Variants in EHBP1 observed in about 807,000 individuals in gnomAD.
EHBP1 encodes the protein EH domain binding protein 1, also known as EH domain-binding protein 1.
Under a neutral mutation model 144.0 loss-of-function variants are expected in EHBP1, and 55 were observed. The ratio of observed to expected loss-of-function variants is 0.38; its 90% CI spans 0.31 to 0.48. EHBP1 has a LOEUF of 0.48. EHBP1 is among the 20% of genes least tolerant of loss of function. The probability of loss-of-function intolerance (pLI) is 0.98; values close to 1 mark genes in which losing one functional copy is unlikely to be tolerated. For missense variants in EHBP1, 1,200 were observed against 1,364.2 expected, an observed-to-expected ratio of 0.88 and a Z score of 1.90; for synonymous variants, 469 against 472.7, an observed-to-expected ratio of 0.99 and a Z score of 0.10.
At chr2:63,000,764 G>T (rs1398120561) in intron 19 of EHBP1, among the ~76,000 whole-genome samples, 2 of 151,968 alleles carry the variant, frequency 1.3e-5, no homozygotes, top group Non-Finnish European at 2.9e-5. Flanking sequence ...TTACCTTGGG[G>T]TCTATAAAAT....
At chr2:62,728,314 T>C (rs1006715194) in intron 2 of EHBP1, among the ~76,000 whole-genome samples, 6 of 152,230 alleles carry the variant, frequency 3.9e-5, no homozygotes, top group African/African-American at 1.4e-4. Context: ...TTTGAAGAAC[T>C]GTCAAACTGT....
At chr2:63,005,799 T>A (rs1574443662) in intron 19 of EHBP1, among the ~76,000 whole-genome samples, 1 of 152,058 alleles carries the variant, frequency 6.6e-6, no homozygotes, top group East Asian at 1.9e-4. Flanking sequence ...TTCAGTATTT[T>A]AAAAACAATC....
chr2:62,792,217 G>A (rs1213680815), intron 5 of EHBP1, among the ~76,000 whole-genome samples: 3 of 152,040 alleles, frequency 2.0e-5, no homozygotes, highest in African/African-American at 7.2e-5. Flanking sequence ...AATTTAAATA[G>A]TAGGGAATGT....
chr2:62,979,253 A>T lies in EHBP1; in HGVS notation c.2526A>T (p.Arg842=), dbSNP rs2058852210. The change falls in exon 15 of 23, where the codon CGA becomes CGT. Residue 842 remains arginine (R), a synonymous_variant. Transcript: ENST00000431489. The stretch of plus-strand genomic sequence containing the variant: ...CTCGTCAGCTAATAGCAGAAGCTCG[A>T]TCTGGAGTGAAGATGTCAGAACTTC... ...ERARQLIAEA[R]SGVKMSELPS... is the part of the protein sequence containing the mutation. The T allele has an allele frequency of 6.2e-7, 1 of 1,613,856 alleles. No individual in the cohort carries two copies. The highest frequency in any genetic ancestry group is 1.3e-5 in the African/African-American group (1 of 74,918).
chr2:62,788,349 C>A (rs2152440955), intron 5 of EHBP1, among the ~76,000 whole-genome samples: 1 of 151,932 alleles, frequency 6.6e-6, no homozygotes. Flanking sequence ...GATGTTTTTT[C>A]CCTTAAAACC....
chr2:62,831,267 T>G, intron 7 of EHBP1, 109 bp downstream of exon 7: 1 of 1,065,898 alleles, frequency 9.4e-7, no homozygotes, highest in Non-Finnish European at 1.3e-6. Context: ...TTCTTTTTTT[T>G]TCTTTAAGCC....
chr2:62,957,640 GC>G (rs2057768601), intron 14 of EHBP1, among the ~76,000 whole-genome samples: 2 of 69,702 alleles, frequency 2.9e-5, no homozygotes, highest in Admixed American at 1.4e-4. Context: ...GAAAATAAAT[GC>G]TTTTTTTTTT....
chr2:62,738,407 C>T (rs1558580764), intron 2 of EHBP1, among the ~76,000 whole-genome samples: 1 of 152,110 alleles, frequency 6.6e-6, no homozygotes, highest in African/African-American at 2.4e-5. Flanking sequence ...TTGTCCTTCC[C>T]GCACCTTCCC....
At chr2:62,986,408 T>TG (rs1371359008) in intron 15 of EHBP1, among the ~76,000 whole-genome samples, 1 of 151,500 alleles carries the variant, frequency 6.6e-6, no homozygotes, top group South Asian at 2.1e-4. Context: ...CCCCCTGGTG[T>TG]GGGGGGTGCA....
chr2:62,785,027 C>T (rs1239983195), intron 5 of EHBP1, among the ~76,000 whole-genome samples: 1 of 151,772 alleles, frequency 6.6e-6, no homozygotes, highest in Non-Finnish European at 1.5e-5. Flanking sequence ...TTTTACCTTT[C>T]AAACTTTTTT....
intron 5 of EHBP1, among the ~76,000 whole-genome samples, chr2:62,818,245 A>G (rs1275228030): frequency 1.4e-5 from 2 of 144,894 alleles, no homozygotes; most frequent in Admixed American, 1.4e-4. Flanking sequence ...TGACTTAACC[A>G]GAGCAACTTC....
chr2:62,874,335 C>A lies in EHBP1; in HGVS notation c.999-11C>A. 6.5e-7 allele frequency: 1 copy of A among 1,533,590 alleles called. No homozygotes were observed. The highest frequency in any genetic ancestry group is 8.8e-7 in the Non-Finnish European group (1 of 1,134,288). The allele number at this position is 1,533,590 out of a possible 1,614,324, so 95.0% of individuals were successfully genotyped here. On this transcript the variant is annotated splice_polypyrimidine_tract_variant and intron_variant, in intron 9 of 22. Transcript: ENST00000431489. Reference sequence around the variant, plus strand: ...TGAGAGACATCTAACAATAATTCTTCTTTCACTTAGATCAAATCCTTTTTA... The same window carrying A: ...TGAGAGACATCTAACAATAATTCTTATTTCACTTAGATCAAATCCTTTTTA...
rs74938588 is a variant in EHBP1 at position 62,926,071 on chromosome 2, T to C, written c.1186-16647T>C. On this transcript the variant is annotated intron_variant, in intron 10 of 22. Transcript: ENST00000431489. ...AAAGCAGACACATAGACCAATGAAA[T>C]AGAATAGAGAACCCAGAAATTAATT... is the stretch of plus-strand genomic sequence containing the variant. Among the ~76,000 whole-genome samples, 321 of 152,034 alleles carry C rather than the reference T, an allele frequency of 2.1e-3. 3 individuals carry two copies. Among genetic ancestry groups the C allele is most frequent in the African/African-American group, 6.8e-3 (281 of 41,496 alleles).
intron 10 of EHBP1, among the ~76,000 whole-genome samples, chr2:62,886,283 C>T (rs1258724112): frequency 6.6e-6 from 1 of 152,052 alleles, no homozygotes; most frequent in African/African-American, 2.4e-5. Flanking sequence ...AAATGTCAAA[C>T]CTTTCAAGGA....
chr2:62,992,083 TA>T (rs1239541505), intron 16 of EHBP1, among the ~76,000 whole-genome samples: 6 of 152,178 alleles, frequency 3.9e-5, no homozygotes, highest in Non-Finnish European at 8.8e-5. Flanking sequence ...AATACATTTG[TA>T]AAGTGGCAGA....
intron 19 of EHBP1, among the ~76,000 whole-genome samples, chr2:63,017,717 G>A (rs2060540978): frequency 6.6e-6 from 1 of 152,014 alleles, no homozygotes; most frequent in Non-Finnish European, 1.5e-5. Context: ...CTAAAAAAAG[G>A]TATAATGAAT....
intron 1 of EHBP1, among the ~76,000 whole-genome samples, chr2:62,678,805 C>G (rs2033406372): frequency 6.6e-6 from 1 of 152,028 alleles, no homozygotes; most frequent in Admixed American, 6.5e-5. Flanking sequence ...ATTTAGTGCT[C>G]TACATTTTTA....
At chr2:62,926,811 A>C (rs1257565441) in intron 10 of EHBP1, among the ~76,000 whole-genome samples, 1 of 152,156 alleles carries the variant, frequency 6.6e-6, no homozygotes, top group African/African-American at 2.4e-5. Context: ...TAGAACTACC[A>C]TATGATCCAG....
At chr2:62,935,328 C>CAA (rs550896639) in intron 10 of EHBP1, among the ~76,000 whole-genome samples, 104 of 106,412 alleles carry the variant, frequency 9.8e-4, no homozygotes, top group African/African-American at 2.2e-3. Context: ...GACTCCATCT[C>CAA]AAAAAAAAAA....
Sources: allele counts gnomAD v4.1 joint callset (sites outside exome capture counted in the v4.1 genomes callset), GRCh38; gene constraint gnomAD v4.1.1; transcripts MANE v1.5; gene names NCBI Gene and HGNC (gene_info 2026-07-23, HGNC 2026-07-21).